RASGRP3: variants seen among roughly 807,000 people sequenced by gnomAD.
RASGRP3 encodes the protein RAS guanyl releasing protein 3.
Under a neutral mutation model 82.7 loss-of-function variants are expected in RASGRP3, and 54 were observed. The ratio of observed to expected loss-of-function variants is 0.65; its 90% CI spans 0.52 to 0.82. The LOEUF (loss-of-function observed/expected upper bound fraction) is 0.82, where lower values mean the gene tolerates loss of function less well. Ranked by LOEUF, RASGRP3 falls within the 40% of genes least tolerant of loss-of-function variation. The probability of loss-of-function intolerance (pLI) is 0.00; values close to 1 mark genes in which losing one functional copy is unlikely to be tolerated. For missense variants in RASGRP3, 861 were observed against 828.9 expected (o/e 1.04, Z -0.48); for synonymous variants, 309 against 300.5 (o/e 1.03, Z -0.29).
At chr2:33,480,687 T>A (rs1326659917) in intron 1 of RASGRP3, among the ~76,000 whole-genome samples, 1 of 152,192 alleles carries the variant, frequency 6.6e-6, no homozygotes, top group African/African-American at 2.4e-5. Flanking sequence ...TTTGCCCAAT[T>A]GTGTGTTTCA....
intron 10 of RASGRP3, chr2:33,532,884 A>T (rs1673238825): frequency 6.6e-6 from 1 of 152,206 alleles, no homozygotes; most frequent in South Asian, 2.1e-4. Context: ...TTGTTGAATG[A>T]ATGATTTGAA....
At chr2:33,508,354 C>A (rs62148984) in intron 1 of RASGRP3, among the ~76,000 whole-genome samples, 9,623 of 151,960 alleles carry the variant, frequency 0.063, 329 homozygotes, top group Admixed American at 0.099. Context: ...TAAGAATTAG[C>A]AGGAAAAAAA....
At position 33,450,818 on chromosome 2, in the gene RASGRP3, C is replaced by CTTTTTT. The variant is rs879744839; in HGVS notation, c.-261+2878_-261+2879insTTTTTT. ...CTTTTCTTTCTTTTTCTCTTTCTTT[C>CTTTTTT]TTTCTTTTTTTTTTTTTTTTTTTTT... is the stretch of plus-strand genomic sequence containing the variant. On this transcript the variant is annotated intron_variant, in intron 2 of 18. Transcript: ENST00000402538. Among the ~76,000 whole-genome samples the CTTTTTT allele has an allele frequency of 4.8e-3, 208 of 43,344 alleles. 26 individuals carry two copies. Among genetic ancestry groups the CTTTTTT allele is most frequent in the Non-Finnish European group, 6.9e-3 (149 of 21,608 alleles). The allele number at this position is 43,344 out of a possible 152,430, so 28.4% of individuals were successfully genotyped here.
intron 1 of RASGRP3, among the ~76,000 whole-genome samples, chr2:33,504,500 C>A (rs1373027937): frequency 6.6e-6 from 1 of 152,214 alleles, no homozygotes; most frequent in East Asian, 1.9e-4. Context: ...TTGTGCCCAG[C>A]CAAACTAATG....
At chr2:33,436,849 T>G (rs1054903077) in intron 1 of RASGRP3, among the ~76,000 whole-genome samples, 4 of 152,174 alleles carry the variant, frequency 2.6e-5, no homozygotes, top group Non-Finnish European at 5.9e-5. Context: ...TATCAGGGGT[T>G]TAGATAGTAT....
chr2:33,550,808 C>G (rs886522819), intron 14 of RASGRP3, among the ~76,000 whole-genome samples: 2 of 152,058 alleles, frequency 1.3e-5, no homozygotes, highest in African/African-American at 4.8e-5. Flanking sequence ...TTCAGGAGCC[C>G]AATGCAGGAG....
intron 14 of RASGRP3, among the ~76,000 whole-genome samples, chr2:33,550,743 T>TAA (rs1416681228): frequency 6.6e-6 from 1 of 152,204 alleles, no homozygotes; most frequent in Non-Finnish European, 1.5e-5. Context: ...TTGTTGCCGA[T>TAA]ATTATACGCT....
chr2:33,527,097 G>T (rs764699210), intron 9 of RASGRP3, 40 bp from the exon 10 acceptor site: 4 of 1,606,222 alleles, frequency 2.5e-6, no homozygotes, highest in Non-Finnish European at 3.4e-6. Flanking sequence ...GTGCAGGAGG[G>T]AAAGTTGTTT....
At chr2:33,437,994 T>C (rs1242278673) in intron 1 of RASGRP3, among the ~76,000 whole-genome samples, 1 of 152,242 alleles carries the variant, frequency 6.6e-6, no homozygotes, top group Non-Finnish European at 1.5e-5. Flanking sequence ...GTGACTTAAT[T>C]AATTGCCACG....
At chr2:33,502,946 T>C (rs1558453810) in intron 1 of RASGRP3, among the ~76,000 whole-genome samples, 1 of 152,204 alleles carries the variant, frequency 6.6e-6, no homozygotes, top group African/African-American at 2.4e-5. Context: ...CTCAGAGTTG[T>C]GGCATTTCTG....
At chr2:33,504,767 C>T (rs1393863342) in intron 1 of RASGRP3, among the ~76,000 whole-genome samples, 1 of 152,180 alleles carries the variant, frequency 6.6e-6, no homozygotes, top group Non-Finnish European at 1.5e-5. Context: ...CTTGGAGCCT[C>T]TTTTGTGTAG....
At chr2:33,501,634 T>G (rs1004811594) in intron 1 of RASGRP3, among the ~76,000 whole-genome samples, 2 of 152,222 alleles carry the variant, frequency 1.3e-5, no homozygotes, top group Non-Finnish European at 2.9e-5. Context: ...CTCCAAACCC[T>G]ACTCCCTTCC....
intron 12 of RASGRP3, among the ~76,000 whole-genome samples, chr2:33,542,027 T>G (rs1306480580): frequency 6.8e-6 from 1 of 146,868 alleles, no homozygotes; most frequent in East Asian, 1.9e-4. Context: ...TGGAGTTTGA[T>G]TCTAGGAGTT....
intron 1 of RASGRP3, among the ~76,000 whole-genome samples, chr2:33,442,079 C>T (rs78727269): frequency 0.032 from 4,828 of 152,114 alleles, 116 homozygotes; most frequent in Middle Eastern, 0.079. Flanking sequence ...TAGTGTGACC[C>T]CATTTGCTTA....
chr2:33,498,414 T>A (rs1290762445), intron 1 of RASGRP3, among the ~76,000 whole-genome samples: 1 of 152,202 alleles, frequency 6.6e-6, no homozygotes, highest in African/African-American at 2.4e-5. Flanking sequence ...TACCATTACA[T>A]TGTACTTAGA....
upstream of RASGRP3, among the ~76,000 whole-genome samples, chr2:33,473,559 C>G (rs1024510151): frequency 2.0e-5 from 3 of 152,150 alleles, no homozygotes; most frequent in Admixed American, 1.3e-4. Context: ...AGGAGGTGGC[C>G]TCTTGACAGG....
intron 1 of RASGRP3, among the ~76,000 whole-genome samples, chr2:33,484,458 A>C (rs1236768735): frequency 6.6e-6 from 1 of 152,202 alleles, no homozygotes; most frequent in Non-Finnish European, 1.5e-5. Context: ...CTGTTTTTTA[A>C]AAGTAGAAAG....
intron 1 of RASGRP3, among the ~76,000 whole-genome samples, chr2:33,438,301 G>A (rs182119009): frequency 2.0e-5 from 3 of 152,300 alleles, no homozygotes; most frequent in East Asian, 1.9e-4. Flanking sequence ...GGTGGCTCAC[G>A]CCTGTAATCC....
intron 13 of RASGRP3, among the ~76,000 whole-genome samples, chr2:33,544,876 A>T (rs1674591566): frequency 6.6e-6 from 1 of 152,196 alleles, no homozygotes. Context: ...TCTGTAATTC[A>T]ACACACCAAG....
Sources: gnomAD v4.1 joint callset for allele counts (sites outside exome capture counted in the v4.1 genomes callset) on GRCh38, gnomAD v4.1.1 for gene constraint, MANE v1.5 for transcripts, NCBI Gene and HGNC (gene_info 2026-07-23, HGNC 2026-07-21) for gene names.